AFDN: variants seen among roughly 807,000 people sequenced by gnomAD.
AFDN encodes the protein afadin.
In AFDN, 68 loss-of-function variants were observed where a neutral mutation model predicts 216.6. The observed-to-expected ratio is 0.31, with a 90% CI of 0.26 to 0.38. The LOEUF (loss-of-function observed/expected upper bound fraction) is 0.38, where lower values mean the gene tolerates loss of function less well. Ranked by LOEUF, AFDN falls within the 10% of genes least tolerant of loss-of-function variation. AFDN has a pLI of 1.00. For missense variants in AFDN, 2,136 were observed against 2,342.0 expected, an observed-to-expected ratio of 0.91 and a Z score of 1.82; for synonymous variants, 868 against 853.7, an observed-to-expected ratio of 1.02 and a Z score of -0.29.
chr6:167,875,455 A>G lies in AFDN; in HGVS notation c.699A>G (p.Arg233=), dbSNP rs1583243159. Residue 233 remains arginine, a synonymous_variant, in exon 5 of 34, where the codon AGA becomes AGG. Transcript: ENST00000683244. ...GGAGGCAGCAAAAATTGGAAAAGAG[A>G]ATGCAGGAATTTCGGAGCTCAGATG... ...KRRRQQKLEK[R]MQEFRSSDGR... is the part of the protein sequence containing the mutation. 6.2e-7 allele frequency: 1 copy of G among 1,613,974 alleles called. No homozygotes were observed. The highest frequency in any genetic ancestry group is 8.5e-7 in the Non-Finnish European group (1 of 1,179,926).
At chr6:167,943,293 G>A in intron 24 of AFDN, 99 bp downstream of exon 24, 1 of 1,433,058 alleles carries the variant, frequency 7.0e-7, no homozygotes, top group Non-Finnish European at 9.8e-7. Context: ...TAGCACTATA[G>A]TGCTTGTTGG....
chr6:167,954,548 C>T, intron 30 of AFDN: 1 of 1,513,412 alleles, frequency 6.6e-7, no homozygotes, highest in Non-Finnish European at 9.0e-7. Flanking sequence ...ATTTTCTTTT[C>T]TTTCAGTGGT....
rs143924141 is a variant in AFDN, at chr6:167,920,163, G to T, written c.2908+1230G>T. ...GGTGAGGTCTTTTAGGAAAGTGTGT[G>T]TGAAGGAAGAGGGGTAGGAGCAGGA... On this transcript the variant is annotated intron_variant, in intron 21 of 33. Coordinates refer to ENST00000683244, the MANE Select transcript of AFDN (RefSeq NM_001386888.1). 1.1e-3 allele frequency among the ~76,000 whole-genome samples: 173 copies of T among 152,266 alleles called. 2 individuals carry two copies. Among genetic ancestry groups the T allele is most frequent in the African/African-American group, 4.1e-3 (172 of 41,558 alleles).
chr6:167,858,517 T>C (rs1221028235), intron 1 of AFDN, among the ~76,000 whole-genome samples: 1 of 152,232 alleles, frequency 6.6e-6, no homozygotes, highest in East Asian at 1.9e-4. Flanking sequence ...GATGACCTTT[T>C]CCCACTTTCA....
intron 1 of AFDN, among the ~76,000 whole-genome samples, chr6:167,838,118 A>G (rs898181107): frequency 1.3e-5 from 2 of 152,228 alleles, no homozygotes; most frequent in Non-Finnish European, 2.9e-5. Flanking sequence ...GTAACTATAT[A>G]CAAACCTTGT....
rs35300672 is a variant in AFDN, at chr6:167,868,762, C to CTTTTTTT, written c.302-1612_302-1606dup. The stretch of plus-strand genomic sequence containing the variant: ...TTTACTATCATCAGCATTGTGCAAT[C>CTTTTTTT]TTTTTTTTTTTTTTTTTTGAGACAG... On this transcript the variant is annotated intron_variant, in intron 2 of 33. Transcript: ENST00000683244. Among the ~76,000 whole-genome samples the CTTTTTTT allele has an allele frequency of 2.4e-5, 3 of 122,562 alleles. 1 individual carries two copies. Among genetic ancestry groups the CTTTTTTT allele is most frequent in the Non-Finnish European group, 4.9e-5 (3 of 61,318 alleles). The allele number at this position is 122,562 out of a possible 152,430, so 80.4% of individuals were successfully genotyped here.
rs757952851 is a variant in AFDN, at chr6:167,917,232, G to A, written c.2709G>A (p.Thr903=). ...CACCTGATGAGCCTTTTATCCCAAC[G>A]GTGAGTGGATGTTGCCACATTACCA... ...HCAPDEPFIP[T]DLIENVVTVA... The change falls in exon 20 of 34, where the codon ACG becomes ACA. Residue 903 remains threonine (T), a splice_region_variant and synonymous_variant. Coordinates refer to ENST00000683244, the MANE Select transcript of AFDN (RefSeq NM_001386888.1). 1.1e-5 allele frequency: 17 copies of A among 1,585,660 alleles called. No homozygotes were observed. The highest frequency in any genetic ancestry group is 2.3e-5 in the East Asian group (1 of 43,944).
At chr6:167,851,394 C>T (rs920732813) in intron 1 of AFDN, among the ~76,000 whole-genome samples, 8 of 152,100 alleles carry the variant, frequency 5.3e-5, no homozygotes, top group African/African-American at 1.7e-4. Context: ...GCCTAGTATC[C>T]ATTAGATATT....
chr6:167,864,654 A>G lies in AFDN; in HGVS notation c.209A>G (p.Asp70Gly). 6.2e-7 allele frequency: 1 copy of G among 1,614,196 alleles called. No homozygotes were observed. Among genetic ancestry groups the G allele is most frequent in the Non-Finnish European group, 8.5e-7 (1 of 1,180,034 alleles). The change falls in exon 2 of 34, where the codon GAT becomes GGT. Residue 70 changes from aspartate (D) to glycine (G), a missense_variant. Around this residue, in one of 8 missense-constraint regions of AFDN, gnomAD observed 817 missense variants for 965.7 expected, o/e 0.85. Coordinates refer to ENST00000683244, the MANE Select transcript of AFDN (RefSeq NM_001386888.1). ...GTCTCTAGTACTGCCACCACTCAAG[A>G]TGTAATCGAAACGCTCGCGGAGAAA... The part of the protein sequence containing the change: ...IRVSSTATTQ[D>G]VIETLAEKFR...
intron 3 of AFDN, 144 bp from the exon 4 acceptor site, chr6:167,872,070 C>G (rs950989450): frequency 7.1e-6 from 5 of 709,086 alleles, no homozygotes; most frequent in Non-Finnish European, 1.2e-5. Flanking sequence ...AGATAAAGAC[C>G]ATTCTCATTA....
At chr6:167,952,332 C>T in intron 30 of AFDN, 145 bp downstream of exon 30, 1 of 1,515,056 alleles carries the variant, frequency 6.6e-7, no homozygotes, top group Non-Finnish European at 8.8e-7. Context: ...ATGTGTTACT[C>T]TTGGCTGATG....
Position 167,902,364 on chromosome 6 carries a change from G to A in AFDN, c.1628G>A (p.Gly543Glu), listed in dbSNP as rs1333502988. 6.2e-7 allele frequency: 1 copy of A among 1,612,598 alleles called. No individual in the cohort carries two copies. Among genetic ancestry groups the A allele is most frequent in the Middle Eastern group, 1.7e-4 (1 of 6,054 alleles). The change falls in exon 12 of 34, where the codon GGG becomes GAG. Residue 543 changes from glycine to glutamate, a missense_variant. This residue lies in a region of AFDN where 817 missense variants were observed against 965.7 expected (regional missense o/e 0.85). Coordinates refer to ENST00000683244, the MANE Select transcript of AFDN (RefSeq NM_001386888.1). ...GATTTGGGAGGAGATATTCATAGTG[G>A]GACAGCATTACCGACAAGCAAGGTA... ...TFDLGGDIHS[G>E]TALPTSKSTT...
Position 167,890,993 on chromosome 6 carries a change from C to T in AFDN, c.1141C>T (p.Pro381Ser). Residue 381 changes from proline to serine, a missense_variant, in exon 8 of 34, where the codon CCG (proline) becomes TCG (serine). By Grantham distance (74) the Pro-to-Ser change is moderately conservative (BLOSUM62 -1). Coordinates refer to ENST00000683244, the MANE Select transcript of AFDN (RefSeq NM_001386888.1). Reference sequence around the variant, plus strand: ...GTCTGGCTATGGCTCCACCCTTCCTCCGGAGAAGCTGCCCTATTTAGTAGA... The same window carrying T: ...GTCTGGCTATGGCTCCACCCTTCCTTCGGAGAAGCTGCCCTATTTAGTAGA... ...DGSGYGSTLP[P>S]EKLPYLVELS... 6.2e-7 allele frequency: 1 copy of T among 1,613,930 alleles called. No homozygotes were observed. Among genetic ancestry groups the T allele is most frequent in the Non-Finnish European group, 8.5e-7 (1 of 1,179,906 alleles).
At chr6:167,840,510 C>G (rs531891358) in intron 1 of AFDN, among the ~76,000 whole-genome samples, 45 of 152,338 alleles carry the variant, frequency 3.0e-4, no homozygotes, top group African/African-American at 1.0e-3. Flanking sequence ...GGGGCTCATT[C>G]TTGAACCATA....
At chr6:167,906,912 T>C (rs935862447) in intron 12 of AFDN, among the ~76,000 whole-genome samples, 1 of 152,274 alleles carries the variant, frequency 6.6e-6, no homozygotes, top group Non-Finnish European at 1.5e-5. Context: ...TTACCAGCTT[T>C]GCCTGCCTGT....
At chr6:167,910,436 A>G (rs990495701) in intron 13 of AFDN, among the ~76,000 whole-genome samples, 1 of 152,222 alleles carries the variant, frequency 6.6e-6, no homozygotes, top group African/African-American at 2.4e-5. Flanking sequence ...AATGTTCCAA[A>G]TTATAGTTTC....
intron 20 of AFDN, among the ~76,000 whole-genome samples, chr6:167,917,514 C>T (rs775403947): frequency 3.5e-4 from 54 of 152,282 alleles, no homozygotes; most frequent in Middle Eastern, 6.8e-3. Context: ...TTCCAGTGTA[C>T]GTAGCCACAA....
intron 1 of AFDN, among the ~76,000 whole-genome samples, chr6:167,829,393 C>T (rs1779582892): frequency 6.6e-6 from 1 of 151,924 alleles, no homozygotes. Context: ...TTCTCTCAGC[C>T]AGTATTTCAA....
chr6:167,866,510 T>C lies in AFDN; in HGVS notation c.301+1764T>C, dbSNP rs543009781. On this transcript the variant is annotated intron_variant, in intron 2 of 33. Coordinates refer to ENST00000683244, the MANE Select transcript of AFDN (RefSeq NM_001386888.1). ...GTTAGATTCAGACAGGTTTAGTAAG[T>C]GTTTAACAGTGAACAGTTAGGTAGA... Among the ~76,000 whole-genome samples, 160 of 152,320 alleles carry C rather than the reference T, an allele frequency of 1.1e-3. 1 individual carries two copies. Among genetic ancestry groups the C allele is most frequent in the Non-Finnish European group, 1.7e-3 (116 of 68,032 alleles).
Sources: allele counts gnomAD v4.1 joint callset (sites outside exome capture counted in the v4.1 genomes callset), GRCh38; gene constraint gnomAD v4.1.1; regional missense constraint gnomAD v4.1.1; transcripts MANE v1.5; gene names NCBI Gene and HGNC (gene_info 2026-07-23, HGNC 2026-07-21).